The following PRIM2 variants were observed in gnomAD, a reference collection of about 807,000 sequenced individuals.
PRIM2 encodes the protein DNA primase large subunit.
In PRIM2, 39 loss-of-function variants were observed where a neutral mutation model predicts 67.3. That is an observed-to-expected ratio of 0.58 (90% CI 0.45 to 0.76). The LOEUF is 0.76. Ranked by LOEUF, PRIM2 falls within the 30% of genes least tolerant of loss-of-function variation. The pLI is 0.00. For synonymous variants in PRIM2, 143 were observed against 198.7 expected, an observed-to-expected ratio of 0.72 and a Z score of 2.36; for missense variants, 398 against 598.7, an observed-to-expected ratio of 0.66 and a Z score of 3.50.
intron 10 of PRIM2, among the ~76,000 whole-genome samples, chr6:57,559,392 CTT>C (rs1220639667): frequency 6.6e-6 from 1 of 152,018 alleles, no homozygotes; most frequent in Non-Finnish European, 1.5e-5. Context: ...TTTTTGCAGT[CTT>C]TTTTTGGCTT....
chr6:57,447,643 T>TA (rs1772409986), intron 7 of PRIM2, among the ~76,000 whole-genome samples: 1 of 152,228 alleles, frequency 6.6e-6, no homozygotes, highest in South Asian at 2.1e-4. Flanking sequence ...TAAGATACCG[T>TA]AATAGAAGGC....
intron 10 of PRIM2, among the ~76,000 whole-genome samples, chr6:57,584,501 A>T (rs1343111713): frequency 6.6e-5 from 10 of 152,178 alleles, no homozygotes; most frequent in African/African-American, 2.4e-4. Context: ...GTCAATGAAA[A>T]TTTTAAAACT....
intron 7 of PRIM2, among the ~76,000 whole-genome samples, chr6:57,458,943 C>T (rs867740140): frequency 5.3e-5 from 8 of 152,178 alleles, no homozygotes; most frequent in East Asian, 3.8e-4. Context: ...GGACCTGCAG[C>T]GTTGAGCAGA....
At chr6:57,357,596 CTTTT>C (rs34636141) in intron 5 of PRIM2, among the ~76,000 whole-genome samples, 9 of 136,882 alleles carry the variant, frequency 6.6e-5, no homozygotes, top group African/African-American at 2.4e-4. Context: ...TCCTCTGTGG[CTTTT>C]TTTTTTTTTT....
At chr6:57,572,161 G>A (rs1452977416) in intron 10 of PRIM2, among the ~76,000 whole-genome samples, 2 of 152,048 alleles carry the variant, frequency 1.3e-5, no homozygotes, top group Non-Finnish European at 2.9e-5. Flanking sequence ...TTTCTTTAAG[G>A]GAAGAAAAAG....
At chr6:57,265,654 G>T in the PRIM2 span, among the ~76,000 whole-genome samples, 1 of 152,176 alleles carries the variant, frequency 6.6e-6, no homozygotes, top group Non-Finnish European at 1.5e-5. Context: ...TTATCCTATA[G>T]ATAGCCCAGA....
chr6:57,614,798 A>C (rs1166988981), intron 12 of PRIM2, among the ~76,000 whole-genome samples: 4 of 152,218 alleles, frequency 2.6e-5, no homozygotes, highest in Non-Finnish European at 5.9e-5. Context: ...TGCAGTGAGC[A>C]GAGATCATGC....
chr6:57,434,188 G>C (rs1313330970), intron 7 of PRIM2, among the ~76,000 whole-genome samples: 1 of 151,918 alleles, frequency 6.6e-6, no homozygotes, highest in East Asian at 1.9e-4. Context: ...GCCTCCTAAA[G>C]TGTTGGGATT....
At chr6:57,597,497 C>G (rs1776387245) in intron 10 of PRIM2, among the ~76,000 whole-genome samples, 1 of 151,596 alleles carries the variant, frequency 6.6e-6, no homozygotes. Flanking sequence ...TTTCCCTCAC[C>G]AATAGCAGCT....
At chr6:57,637,626 C>A (rs1292676713) in intron 13 of PRIM2, among the ~76,000 whole-genome samples, 1 of 151,700 alleles carries the variant, frequency 6.6e-6, no homozygotes, top group East Asian at 1.9e-4. Context: ...TATCTGTAGT[C>A]GAATTGACAA....
In PRIM2 at chr6:57,413,980, G is replaced by A. The variant is rs561550090; in HGVS notation, c.693+31812G>A. Among the ~76,000 whole-genome samples, 38 of 152,212 alleles carry A rather than the reference G, an allele frequency of 2.5e-4. 1 individual carries two copies. Among genetic ancestry groups the A allele is most frequent in the African/African-American group, 8.2e-4 (34 of 41,572 alleles). ...AGACAAGAAGGCAAATAAACAGCAG[G>A]AAATGCTTAAAGGTAAAGTTAGGGG... On this transcript the variant is annotated intron_variant, in intron 7 of 13. Coordinates refer to ENST00000615550, the MANE Select transcript of PRIM2 (RefSeq NM_000947.5).
intron 5 of PRIM2, among the ~76,000 whole-genome samples, chr6:57,367,984 A>G (rs1482898745): frequency 2.6e-5 from 4 of 152,088 alleles, no homozygotes; most frequent in African/African-American, 9.7e-5. Flanking sequence ...ATCCCCATGT[A>G]CTCCAGATTG....
At chr6:57,324,691 T>C (rs565968205) in intron 4 of PRIM2, among the ~76,000 whole-genome samples, 12 of 152,310 alleles carry the variant, frequency 7.9e-5, no homozygotes, top group African/African-American at 2.4e-5. Context: ...AAATCGAAGA[T>C]ATTTTTGTTT....
chr6:57,237,915 A>G, the PRIM2 span, among the ~76,000 whole-genome samples: 21 of 152,254 alleles, frequency 1.4e-4, no homozygotes, highest in East Asian at 3.3e-3. Flanking sequence ...TTTTCTTTCC[A>G]TATGAACTTT....
intron 7 of PRIM2, among the ~76,000 whole-genome samples, chr6:57,419,806 A>G (rs1771403997): frequency 6.6e-6 from 1 of 152,108 alleles, no homozygotes; most frequent in African/African-American, 2.4e-5. Context: ...TGCTAATGTA[A>G]GTGTTACTCC....
chr6:57,378,664 C>T (rs1436270717), intron 5 of PRIM2, among the ~76,000 whole-genome samples: 2 of 152,036 alleles, frequency 1.3e-5, no homozygotes, highest in Non-Finnish European at 2.9e-5. Flanking sequence ...TCAGGTACCG[C>T]CTTAAAACAA....
the PRIM2 span, among the ~76,000 whole-genome samples, chr6:57,243,666 G>A: frequency 5.3e-5 from 8 of 152,128 alleles, no homozygotes; most frequent in Admixed American, 3.3e-4. Flanking sequence ...AGTAGAGATG[G>A]GGCTTCACCG....
At chr6:57,585,676 G>T (rs2127486595) in intron 10 of PRIM2, among the ~76,000 whole-genome samples, 1 of 152,194 alleles carries the variant, frequency 6.6e-6, no homozygotes, top group East Asian at 1.9e-4. Flanking sequence ...AGGGTAGGGG[G>T]TTCTCTCTAA....
At chr6:57,337,036 C>T (rs1259556278) in intron 5 of PRIM2, among the ~76,000 whole-genome samples, 2 of 151,602 alleles carry the variant, frequency 1.3e-5, no homozygotes, top group African/African-American at 4.8e-5. Flanking sequence ...AAATGGAAAA[C>T]AAAAAAAGGC....
Sources: allele counts gnomAD v4.1 joint callset (sites outside exome capture counted in the v4.1 genomes callset), GRCh38; gene constraint gnomAD v4.1.1; transcripts MANE v1.5; gene names NCBI Gene and HGNC (gene_info 2026-07-23, HGNC 2026-07-21).